The following ANKRD11 variants were observed in gnomAD, a reference collection of about 807,000 sequenced individuals.
ANKRD11 encodes ankyrin repeat domain-containing protein 11.
A neutral mutation model predicts 195.7 loss-of-function variants in ANKRD11; 17 were observed. That is an observed-to-expected ratio of 0.09 (90% CI 0.06 to 0.13). The LOEUF (loss-of-function observed/expected upper bound fraction) is 0.13, where lower values mean the gene tolerates loss of function less well. Among genes scored for constraint, ANKRD11 ranks in the 10% least tolerant of loss-of-function variants. The pLI, the probability that ANKRD11 is intolerant of heterozygous loss-of-function variation, is 1.00. For synonymous variants in ANKRD11, 1,953 were observed against 1,528.1 expected (o/e 1.28, Z -6.49); for missense variants, 3,735 against 3,566.1 (o/e 1.05, Z -1.21).
intron 4 of ANKRD11, among the ~76,000 whole-genome samples, chr16:89,304,279 C>G (rs189975870): frequency 1.3e-5 from 2 of 152,200 alleles, no homozygotes; most frequent in East Asian, 1.9e-4. Flanking sequence ...CACGGGCACA[C>G]AGGCATGCAC....
chr16:89,324,145 CCT>C lies in ANKRD11; in HGVS notation c.-59-7069_-59-7068del, dbSNP rs747054564. On this transcript the variant is annotated intron_variant, in intron 2 of 12. Coordinates refer to ENST00000301030, the MANE Select transcript of ANKRD11 (RefSeq NM_013275.6). ...ACGGCACAACGCTCTCTACTGCAGC[CCT>C]GTTTCCACTCACATTTTCTGTTATC... The C allele has an allele frequency of 2.6e-5, 25 of 974,316 alleles. No individual in the cohort carries two copies. The East Asian group carries it at 3.3e-4, about 13-fold the overall frequency. 60.4% of individuals were successfully genotyped at this position (974,316 alleles called of 1,614,324 possible). A position where few individuals can be genotyped will look rare whatever the true frequency, so the allele number is the denominator to read the frequency against.
chr16:89,333,039 G>GAACC (rs1359779124), intron 2 of ANKRD11, among the ~76,000 whole-genome samples: 8 of 152,132 alleles, frequency 5.3e-5, no homozygotes, highest in African/African-American at 1.7e-4. Flanking sequence ...GAGTGACAGG[G>GAACC]AACCCCCAGG....
intron 2 of ANKRD11, among the ~76,000 whole-genome samples, chr16:89,371,734 G>A (rs995654709): frequency 2.6e-5 from 4 of 151,686 alleles, no homozygotes; most frequent in South Asian, 2.1e-4. Context: ...AGGGCGATGC[G>A]GACTCCCTCC....
At chr16:89,472,071 G>C (rs149251232) in intron 1 of ANKRD11, among the ~76,000 whole-genome samples, 1 of 152,030 alleles carries the variant, frequency 6.6e-6, no homozygotes, top group Non-Finnish European at 1.5e-5. Flanking sequence ...GCTCTCCACC[G>C]GGCAGAAAGA....
chr16:89,274,835 G>A lies in ANKRD11; in HGVS notation c.7692C>T (p.Tyr2564=). 6.2e-7 allele frequency: 1 copy of A among 1,611,882 alleles called. No individual in the cohort carries two copies. The highest frequency in any genetic ancestry group is 1.1e-5 in the South Asian group (1 of 91,026). The stretch of plus-strand genomic sequence containing the variant: ...CTACCTGGCTCTCCAGGGGCATGTT[G>A]TAGACCTCGGAGTCCAGCAGCATCG... The part of the protein sequence containing the change: ...ACTMLLDSEV[Y]NMPLESQGDE... The change falls in exon 11 of 13, where the codon TAC becomes TAT. Residue 2564 remains tyrosine (Y), a synonymous_variant. Coordinates refer to ENST00000301030, the MANE Select transcript of ANKRD11 (RefSeq NM_013275.6).
Position 89,333,309 on chromosome 16 carries a change from C to T in ANKRD11, c.-59-16231G>A, listed in dbSNP as rs544117679. On this transcript the variant is annotated intron_variant, in intron 2 of 12. Transcript: ENST00000301030. ...AGTACAGAGGGTTCCCCTGCACCCC[C>T]GGGCTCAGCATCCCCACGAGAGTGG... is the stretch of plus-strand genomic sequence containing the variant. 4.7e-4 allele frequency among the ~76,000 whole-genome samples: 71 copies of T among 152,348 alleles called. 1 individual carries two copies. Among genetic ancestry groups the T allele is most frequent in the African/African-American group, 1.4e-3 (60 of 41,566 alleles).
Position 89,486,369 on chromosome 16 carries a change from G to T in ANKRD11, c.-145+3876C>A, listed in dbSNP as rs554898002. On this transcript the variant is annotated intron_variant, in intron 1 of 12. Transcript: ENST00000301030. ...GGTGGGAGGATCGCTTCAGCTCAGG[G>T]AGTCGAGACTGAAGAGAGCCACGTT... 7.9e-5 allele frequency among the ~76,000 whole-genome samples: 12 copies of T among 151,640 alleles called. No homozygotes were observed. The South Asian group carries it at 2.5e-3, about 32-fold the overall frequency.
chr16:89,419,903 C>G (rs1270070183), intron 1 of ANKRD11, among the ~76,000 whole-genome samples: 1 of 151,902 alleles, frequency 6.6e-6, no homozygotes, highest in Non-Finnish European at 1.5e-5. Flanking sequence ...GATGGGTGCG[C>G]TGGCTCACGC....
At position 89,294,774 on chromosome 16, in the gene ANKRD11, T is replaced by C. The variant is rs982299972; in HGVS notation, c.227-3591A>G. Among the ~76,000 whole-genome samples, 20 of 152,326 alleles carry C rather than the reference T, an allele frequency of 1.3e-4. 3 individuals are homozygous for C. The highest frequency in any genetic ancestry group is 3.9e-4 in the Admixed American group (6 of 15,312). On this transcript the variant is annotated intron_variant, in intron 4 of 12. Transcript: ENST00000301030. Reference sequence around the variant, plus strand: ...ACAAGTGGGTCCCGCACTGCCTGCCTGCCTGCCCCTCCTACCCCAGGCCTG... The same window carrying C: ...ACAAGTGGGTCCCGCACTGCCTGCCCGCCTGCCCCTCCTACCCCAGGCCTG...
At chr16:89,274,323 A>AG (rs1255628196) in intron 11 of ANKRD11, among the ~76,000 whole-genome samples, 1 of 152,210 alleles carries the variant, frequency 6.6e-6, no homozygotes, top group African/African-American at 2.4e-5. Flanking sequence ...GCCCTGGCCC[A>AG]GATGAGCGGC....
intron 2 of ANKRD11, among the ~76,000 whole-genome samples, chr16:89,346,705 T>C (rs1029931934): frequency 1.3e-5 from 2 of 152,312 alleles, no homozygotes; most frequent in East Asian, 3.9e-4. Context: ...AGAGATGCTA[T>C]ACAGCAAGGT....
At chr16:89,353,639 G>C (rs142897698) in intron 2 of ANKRD11, among the ~76,000 whole-genome samples, 146 of 152,110 alleles carry the variant, frequency 9.6e-4, no homozygotes, top group African/African-American at 3.3e-3. Context: ...AACCACGCTT[G>C]CCTAATTTCT....
chr16:89,360,000 ACCCAGTACTAAG>A (rs2039665781), intron 2 of ANKRD11, among the ~76,000 whole-genome samples: 1 of 151,812 alleles, frequency 6.6e-6, no homozygotes, highest in African/African-American at 2.4e-5. Context: ...TTATTCTATC[ACCCAGTACTAAG>A]CCCAGTACCC....
Position 89,280,309 on chromosome 16 carries a change from T to G in ANKRD11, c.6233A>C (p.Asp2078Ala). The stretch of plus-strand genomic sequence containing the variant: ...TACACAGGCGGGCTCGGGGGCCACG[T>G]CCAGCGGGGCTTCCGGAAGTGACTT... ...NCKSLPEAPL[D>A]VAPEPACVAA... The change falls in exon 9 of 13, where the codon GAC (aspartate) becomes GCC (alanine). Residue 2078 changes from aspartate to alanine, a missense_variant. By Grantham distance (126) the Asp-to-Ala change is moderately radical. Transcript: ENST00000301030. 1.3e-6 allele frequency: 2 copies of G among 1,592,790 alleles called. No homozygotes were observed. The highest frequency in any genetic ancestry group is 4.5e-5 in the East Asian group (2 of 44,536).
intron 3 of ANKRD11, among the ~76,000 whole-genome samples, chr16:89,315,622 A>G (rs1462369647): frequency 6.6e-6 from 1 of 152,236 alleles, no homozygotes; most frequent in Non-Finnish European, 1.5e-5. Flanking sequence ...CAAGCCATGG[A>G]ACCCACCCAG....
chr16:89,330,249 A>G (rs1030346090), intron 2 of ANKRD11, among the ~76,000 whole-genome samples: 9 of 152,132 alleles, frequency 5.9e-5, no homozygotes, highest in African/African-American at 2.2e-4. Context: ...AGCATTTGTC[A>G]ACAATGACCA....
chr16:89,294,404 C>G (rs1269855256), intron 4 of ANKRD11, among the ~76,000 whole-genome samples: 1 of 152,094 alleles, frequency 6.6e-6, no homozygotes, highest in Admixed American at 6.6e-5. Flanking sequence ...CAAAAAAGTC[C>G]AATATGAAAC....
At chr16:89,301,691 C>G in intron 4 of ANKRD11, 1 of 398,710 alleles carries the variant, frequency 2.5e-6, no homozygotes. Flanking sequence ...GGACAGCCTC[C>G]AGGCTGCTGT....
chr16:89,314,900 C>G (rs200385106), intron 3 of ANKRD11, among the ~76,000 whole-genome samples: 1 of 152,208 alleles, frequency 6.6e-6, no homozygotes, highest in Non-Finnish European at 1.5e-5. Context: ...GTTCACTCAG[C>G]AGTCTGTTCA....
Sources: allele counts gnomAD v4.1 joint callset (sites outside exome capture counted in the v4.1 genomes callset), GRCh38; gene constraint gnomAD v4.1.1; transcripts MANE v1.5; gene names NCBI Gene and HGNC (gene_info 2026-07-23, HGNC 2026-07-21).